The following RALGAPA2 variants were observed in gnomAD, a reference collection of about 807,000 sequenced individuals.
RALGAPA2 encodes the protein ral GTPase-activating protein subunit alpha-2.
In RALGAPA2, 139 loss-of-function variants were observed where a neutral mutation model predicts 230.4. That is an observed-to-expected ratio of 0.60 (90% CI 0.53 to 0.69). The LOEUF is 0.69. Ranked by LOEUF, RALGAPA2 falls within the 30% of genes least tolerant of loss-of-function variation. RALGAPA2 has a pLI of 0.00. For synonymous variants in RALGAPA2, 847 were observed against 837.8 expected (o/e 1.01, Z -0.19); for missense variants, 2,163 against 2,276.0 (o/e 0.95, Z 1.01).
chr20:20,492,148 G>A (rs2062076453), intron 36 of RALGAPA2, among the ~76,000 whole-genome samples: 1 of 152,144 alleles, frequency 6.6e-6, no homozygotes, highest in African/African-American at 2.4e-5. Flanking sequence ...GTGAATGAAA[G>A]TACAATTTGA....
In RALGAPA2 at chr20:20,635,623, A is replaced by G. The variant is rs1441754365; in HGVS notation, c.806-6T>C. On this transcript the variant is annotated splice_polypyrimidine_tract_variant and splice_region_variant and intron_variant, in intron 8 of 39. Transcript: ENST00000202677. ...TGGTCTCAAATGGGGGATGTCTGGT[A>G]GAAGAAAGAACACATGATTGATTAG... is the stretch of plus-strand genomic sequence containing the variant. 6.6e-6 allele frequency: 10 copies of G among 1,519,544 alleles called. No homozygotes were observed. The African/African-American group carries it at 1.4e-4, about 22-fold the overall frequency. 94.1% of individuals were successfully genotyped at this position (1,519,544 alleles called of 1,614,324 possible).
intron 1 of RALGAPA2, among the ~76,000 whole-genome samples, chr20:20,697,003 T>C (rs1051273290): frequency 6.6e-6 from 1 of 152,200 alleles, no homozygotes. Context: ...CACAAAGTAC[T>C]AGGATTACAG....
intron 19 of RALGAPA2, 23 bp downstream of exon 19, chr20:20,584,842 A>C: frequency 6.6e-7 from 1 of 1,517,020 alleles, no homozygotes; most frequent in South Asian, 1.1e-5. Flanking sequence ...TAGTTGGAGG[A>C]ACAGACATTT....
chr20:20,421,015 A>C (rs1386963169), intron 37 of RALGAPA2, among the ~76,000 whole-genome samples: 1 of 152,236 alleles, frequency 6.6e-6, no homozygotes, highest in Non-Finnish European at 1.5e-5. Flanking sequence ...GAAAGTGAAG[A>C]GGCAACACAC....
chr20:20,397,191 A>T (rs752003181), intron 38 of RALGAPA2, among the ~76,000 whole-genome samples: 1 of 152,358 alleles, frequency 6.6e-6, no homozygotes, highest in Non-Finnish European at 1.5e-5. Flanking sequence ...GCAAGTTTAC[A>T]TGTCTCCAAG....
intron 36 of RALGAPA2, among the ~76,000 whole-genome samples, chr20:20,489,981 A>G (rs889566147): frequency 6.6e-5 from 10 of 152,254 alleles, no homozygotes; most frequent in Non-Finnish European, 1.3e-4. Context: ...ATATGCAAAG[A>G]CCAACTTAAA....
At position 20,619,392 on chromosome 20, in the gene RALGAPA2, T is replaced by C; in HGVS notation, c.1424A>G (p.His475Arg). Residue 475 changes from histidine to arginine, a missense_variant, in exon 12 of 40, where the codon CAT becomes CGT. Coordinates refer to ENST00000202677, the MANE Select transcript of RALGAPA2 (RefSeq NM_020343.4). ...SKEASSESSGHKRSSSWGRTY... is the reference protein window; with the variant it reads ...SKEASSESSGRKRSSSWGRTY... ...GCGTCCCCAACTGGAAGATCGTTTA[T>C]GACCAGAACTTTCAGATGAGGCCTT... 1 of 1,604,204 alleles carries C rather than the reference T, an allele frequency of 6.2e-7. No homozygotes were observed. Among genetic ancestry groups the C allele is most frequent in the Non-Finnish European group, 8.5e-7 (1 of 1,173,938 alleles).
Position 20,712,014 on chromosome 20 carries a change from A to C in RALGAPA2, c.106+361T>G, listed in dbSNP as rs961015873. ...TCAAAAATAAAATTTTAAAAATGAA[A>C]GGGGGAGGTGACAGTTCAATGTGTG... On this transcript the variant is annotated intron_variant, in intron 1 of 39. Coordinates refer to ENST00000202677, the MANE Select transcript of RALGAPA2 (RefSeq NM_020343.4). The surrounding 1 kb of genome is among the most constrained non-coding windows in gnomAD (Gnocchi z 5.5). Among the ~76,000 whole-genome samples the C allele has an allele frequency of 1.3e-5, 2 of 152,172 alleles. No homozygotes were observed. Among genetic ancestry groups the C allele is most frequent in the African/African-American group, 4.8e-5 (2 of 41,536 alleles).
chr20:20,459,812 G>A (rs915983750), intron 37 of RALGAPA2, among the ~76,000 whole-genome samples: 2 of 152,188 alleles, frequency 1.3e-5, no homozygotes, highest in Non-Finnish European at 2.9e-5. Context: ...ACACAAAAAC[G>A]TGAATTATTT....
chr20:20,591,372 A>C (rs55967804), intron 16 of RALGAPA2, 58 bp from the exon 17 acceptor site: 60,842 of 1,518,586 alleles, frequency 0.04, 1,444 homozygotes, highest in Non-Finnish European at 0.046. Context: ...AAACACATTC[A>C]CCACTTAAAA....
intron 20 of RALGAPA2, among the ~76,000 whole-genome samples, chr20:20,576,057 T>C (rs146928558): frequency 6.6e-6 from 1 of 152,266 alleles, no homozygotes; most frequent in African/African-American, 2.4e-5. Context: ...TTGGCTTTAA[T>C]GCATTTATAT....
At position 20,540,508 on chromosome 20, in the gene RALGAPA2, A is replaced by G. The variant is rs562084668; in HGVS notation, c.3286-3724T>C. Among the ~76,000 whole-genome samples the G allele has an allele frequency of 3.3e-5, 5 of 152,306 alleles. No homozygotes were observed. In the East Asian group the frequency reaches 7.7e-4, roughly 24 times the overall value. ...CTCATGTCTCTTTTACTGTAGTTTCAAAGAACATAACACTTTTTTCTTTAT... is the reference window on the plus strand; with the variant it reads ...CTCATGTCTCTTTTACTGTAGTTTCGAAGAACATAACACTTTTTTCTTTAT... On this transcript the variant is annotated intron_variant, in intron 24 of 39. Transcript: ENST00000202677.
At chr20:20,454,546 G>GAT (rs1286957590) in intron 37 of RALGAPA2, among the ~76,000 whole-genome samples, 2 of 152,184 alleles carry the variant, frequency 1.3e-5, no homozygotes, top group Non-Finnish European at 2.9e-5. Flanking sequence ...ATAAAATCAA[G>GAT]ATAACTAGAT....
At chr20:20,522,777 T>C (rs1156925351) in intron 30 of RALGAPA2, among the ~76,000 whole-genome samples, 1 of 152,252 alleles carries the variant, frequency 6.6e-6, no homozygotes, top group East Asian at 1.9e-4. Context: ...TATGAATTTT[T>C]ACTATGAGGT....
At chr20:20,524,258 GTTAT>G in intron 30 of RALGAPA2, 144 bp downstream of exon 30, 1 of 1,141,842 alleles carries the variant, frequency 8.8e-7, no homozygotes, top group South Asian at 1.6e-5. Flanking sequence ...GCCCAGCCAA[GTTAT>G]TTACTTTTTA....
At chr20:20,628,808 C>T (rs1314572916) in intron 10 of RALGAPA2, among the ~76,000 whole-genome samples, 1 of 152,188 alleles carries the variant, frequency 6.6e-6, no homozygotes, top group Non-Finnish European at 1.5e-5. Context: ...CTTCTGTCTC[C>T]TTCCTTTGCT....
chr20:20,571,418 C>T (rs2064629261), intron 23 of RALGAPA2, 40 bp downstream of exon 23: 1 of 1,559,052 alleles, frequency 6.4e-7, no homozygotes, highest in Non-Finnish European at 8.8e-7. Context: ...TATGCTATTT[C>T]CAATTAATGG....
At chr20:20,420,364 G>C (rs2060251432) in intron 37 of RALGAPA2, among the ~76,000 whole-genome samples, 1 of 152,196 alleles carries the variant, frequency 6.6e-6, no homozygotes, top group Admixed American at 6.5e-5. Context: ...AAGAGGTCAA[G>C]GCTGACTGGC....
At chr20:20,401,313 G>A (rs1280517874) in intron 38 of RALGAPA2, among the ~76,000 whole-genome samples, 1 of 152,086 alleles carries the variant, frequency 6.6e-6, no homozygotes, top group Admixed American at 6.5e-5. Flanking sequence ...AAAATCCCCT[G>A]GGGCACCCAG....
Sources: allele counts gnomAD v4.1 joint callset (sites outside exome capture counted in the v4.1 genomes callset), GRCh38; gene constraint gnomAD v4.1.1; non-coding constraint Gnocchi (gnomAD v3.1); transcripts MANE v1.5; gene names NCBI Gene and HGNC (gene_info 2026-07-23, HGNC 2026-07-21).